Variants in IQGAP2 observed in about 807,000 individuals in gnomAD.
IQGAP2 encodes the protein ras GTPase-activating-like protein IQGAP2.
A neutral mutation model predicts 201.3 loss-of-function variants in IQGAP2; 173 were observed. The ratio of observed to expected loss-of-function variants is 0.86; its 90% CI spans 0.76 to 0.98. The LOEUF (loss-of-function observed/expected upper bound fraction) is 0.98. Among genes scored for constraint, IQGAP2 ranks in the 50% least tolerant of loss-of-function variants. The pLI is 0.00. For synonymous variants in IQGAP2, 675 were observed against 673.9 expected (o/e 1.00, Z -0.03); for missense variants, 1,687 against 1,864.8 (o/e 0.90, Z 1.76).
chr5:76,645,398 G>A (rs1035011299), intron 17 of IQGAP2, among the ~76,000 whole-genome samples: 2 of 152,142 alleles, frequency 1.3e-5, no homozygotes, highest in Non-Finnish European at 2.9e-5. Flanking sequence ...GGTATTTCTG[G>A]TTCTAGATCC....
intron 2 of IQGAP2, among the ~76,000 whole-genome samples, chr5:76,475,534 G>T (rs1010149632): frequency 6.6e-6 from 1 of 152,132 alleles, no homozygotes; most frequent in Admixed American, 6.5e-5. Flanking sequence ...CAAAGATCGA[G>T]ACCCACCAGG....
chr5:76,674,297 TTAA>T (rs763989691), intron 26 of IQGAP2, among the ~76,000 whole-genome samples, 177 bp from the exon 27 acceptor site: 1 of 152,210 alleles, frequency 6.6e-6, no homozygotes, highest in Non-Finnish European at 1.5e-5. Context: ...AATTATGCTA[TTAA>T]TAATGTGTGA....
At chr5:76,573,749 C>G (rs1018922527) in intron 4 of IQGAP2, among the ~76,000 whole-genome samples, 1 of 151,078 alleles carries the variant, frequency 6.6e-6, no homozygotes, top group African/African-American at 2.4e-5. Context: ...GTAGCTGGGA[C>G]TATAGGTGTG....
rs1444556506 is a variant in IQGAP2, at chr5:76,658,677, GT to G, written c.2529+15del. ...CAGGATCACACTAGAGGTCAGTGGGGTTTTTGGGACTGTCAGCTCCCAGAAG... is the reference window on the plus strand; with the variant it reads ...CAGGATCACACTAGAGGTCAGTGGGGTTTTGGGACTGTCAGCTCCCAGAAG... On this transcript the variant is annotated intron_variant, in intron 21 of 35. Coordinates refer to ENST00000274364, the MANE Select transcript of IQGAP2 (RefSeq NM_006633.5). 7.4e-6 allele frequency: 12 copies of G among 1,611,104 alleles called. No homozygotes were observed. The highest frequency in any genetic ancestry group is 1.0e-5 in the Non-Finnish European group (12 of 1,177,988).
In IQGAP2 at chr5:76,547,100, T is replaced by C. The variant is rs7705655; in HGVS notation, c.147-15296T>C. On this transcript the variant is annotated intron_variant, in intron 2 of 35. Transcript: ENST00000274364. Reference sequence around the variant, plus strand: ...GGTATTAAGATGACATTCCTCACAGTTGAATTTTTCACTGTGCTATTACTT... The same window carrying C: ...GGTATTAAGATGACATTCCTCACAGCTGAATTTTTCACTGTGCTATTACTT... Among the ~76,000 whole-genome samples the C allele has an allele frequency of 5.6e-3, 850 of 152,302 alleles. 7 individuals carry two copies. Among genetic ancestry groups the C allele is most frequent in the East Asian group, 0.018 (93 of 5,192 alleles).
chr5:76,470,811 C>G (rs554440882), intron 2 of IQGAP2, among the ~76,000 whole-genome samples: 7 of 152,232 alleles, frequency 4.6e-5, no homozygotes, highest in African/African-American at 1.7e-4. Flanking sequence ...GTTTCCTTTT[C>G]AAGTAGGCCC....
intron 2 of IQGAP2, among the ~76,000 whole-genome samples, chr5:76,465,737 A>G (rs574299201): frequency 6.6e-6 from 1 of 152,226 alleles, no homozygotes; most frequent in African/African-American, 2.4e-5. Flanking sequence ...ATTTCTTGAC[A>G]CGAGCAATAA....
At chr5:76,632,957 A>G (rs1355056571) in intron 15 of IQGAP2, among the ~76,000 whole-genome samples, 3 of 152,130 alleles carry the variant, frequency 2.0e-5, no homozygotes, top group Non-Finnish European at 1.5e-5. Context: ...CCACTCTCTT[A>G]CTTGGCATCT....
At chr5:76,695,405 G>A (rs1269719797) in intron 31 of IQGAP2, 49 bp from the exon 32 acceptor site, 24 of 1,504,144 alleles carry the variant, frequency 1.6e-5, no homozygotes, top group Non-Finnish European at 2.0e-5. Context: ...TATGAACTGT[G>A]AAATTAGGGG....
chr5:76,637,923 G>T (rs560717989), intron 16 of IQGAP2, among the ~76,000 whole-genome samples: 1 of 152,120 alleles, frequency 6.6e-6, no homozygotes, highest in Admixed American at 6.6e-5. Context: ...ACTACTAAAG[G>T]TCCCTTTTAA....
chr5:76,496,861 G>T (rs561225569), intron 2 of IQGAP2, among the ~76,000 whole-genome samples: 1 of 145,196 alleles, frequency 6.9e-6, no homozygotes, highest in Non-Finnish European at 1.5e-5. Context: ...ATAGAGTCTT[G>T]CTCTGTTGCC....
chr5:76,562,256 C>A, intron 2 of IQGAP2, 140 bp from the exon 3 acceptor site: 2 of 612,130 alleles, frequency 3.3e-6, no homozygotes, highest in East Asian at 2.9e-5. Context: ...AAAGTCTTCC[C>A]TTCCCACCAG....
intron 2 of IQGAP2, among the ~76,000 whole-genome samples, chr5:76,486,476 T>G (rs1451606684): frequency 2.0e-5 from 3 of 152,218 alleles, no homozygotes; most frequent in Admixed American, 1.3e-4. Context: ...AAACTCATTT[T>G]CATCCTCAAC....
At chr5:76,443,383 G>A (rs1441525424) in intron 1 of IQGAP2, among the ~76,000 whole-genome samples, 1 of 152,010 alleles carries the variant, frequency 6.6e-6, no homozygotes, top group African/African-American at 2.4e-5. Flanking sequence ...CTACTTGGGA[G>A]GATGAGACGG....
At chr5:76,510,881 G>C in intron 2 of IQGAP2, 1 of 359,698 alleles carries the variant, frequency 2.8e-6, no homozygotes, top group South Asian at 2.2e-5. Context: ...TTGCACCTGT[G>C]GGGAGGGTCT....
At chr5:76,551,661 C>CAGCCA (rs1419213766) in intron 2 of IQGAP2, among the ~76,000 whole-genome samples, 1 of 151,984 alleles carries the variant, frequency 6.6e-6, no homozygotes, top group Non-Finnish European at 1.5e-5. Context: ...GAGACCAGCC[C>CAGCCA]AGCCAACACG....
intron 17 of IQGAP2, among the ~76,000 whole-genome samples, chr5:76,648,004 G>T (rs890631863): frequency 6.6e-6 from 1 of 152,120 alleles, no homozygotes; most frequent in Non-Finnish European, 1.5e-5. Flanking sequence ...CCCTCTCCCT[G>T]CTAGAGTGGT....
intron 2 of IQGAP2, among the ~76,000 whole-genome samples, chr5:76,514,011 CTTTTTTTTTTTTTTTTT>C (rs70982619): frequency 3.1e-5 from 2 of 65,084 alleles, no homozygotes; most frequent in Non-Finnish European, 5.2e-5. Context: ...TATTTGTTGC[CTTTTTTTTTTTTTTTTT>C]TTTTTTTTTT....
intron 11 of IQGAP2, among the ~76,000 whole-genome samples, chr5:76,604,873 A>G (rs749917440): frequency 2.6e-5 from 4 of 152,208 alleles, no homozygotes; most frequent in Non-Finnish European, 5.9e-5. Flanking sequence ...GCTACTCTCT[A>G]TGGAAGACAC....
Sources: gnomAD v4.1 joint callset for allele counts (sites outside exome capture counted in the v4.1 genomes callset) on GRCh38, gnomAD v4.1.1 for gene constraint, MANE v1.5 for transcripts, NCBI Gene and HGNC (gene_info 2026-07-23, HGNC 2026-07-21) for gene names.